The following EXOC4 variants were observed in gnomAD, a reference collection of about 807,000 sequenced individuals.
The protein encoded by EXOC4 is SEC8-like 1.
EXOC4 carries 71 observed loss-of-function variants against 107.2 expected under a neutral mutation model. The ratio of observed to expected loss-of-function variants is 0.66; its 90% CI spans 0.55 to 0.81. The LOEUF (loss-of-function observed/expected upper bound fraction) is 0.81. EXOC4 is among the 30% of genes least tolerant of loss of function. EXOC4 has a pLI of 0.00. For synonymous variants in EXOC4, 456 were observed against 441.2 expected, an observed-to-expected ratio of 1.03 and a Z score of -0.42; for missense variants, 1,108 against 1,189.6, an observed-to-expected ratio of 0.93 and a Z score of 1.01.
At chr7:133,434,615 A>G (rs1322272342) in intron 7 of EXOC4, among the ~76,000 whole-genome samples, 1 of 152,168 alleles carries the variant, frequency 6.6e-6, no homozygotes, top group Non-Finnish European at 1.5e-5. Flanking sequence ...ACTGTTGGCA[A>G]CATTTATTAA....
chr7:133,846,069 G>A (rs150866963), intron 11 of EXOC4, among the ~76,000 whole-genome samples: 1 of 151,982 alleles, frequency 6.6e-6, no homozygotes, highest in African/African-American at 2.4e-5. Flanking sequence ...AAAGTTAAAC[G>A]TCACACTTAC....
At chr7:133,973,743 A>G (rs904466946) in intron 14 of EXOC4, among the ~76,000 whole-genome samples, 25 of 152,270 alleles carry the variant, frequency 1.6e-4, no homozygotes, top group Non-Finnish European at 3.1e-4. Flanking sequence ...ATGCATTAAC[A>G]TGGATGATAG....
chr7:133,392,977 A>G (rs578052791), intron 7 of EXOC4, among the ~76,000 whole-genome samples: 37 of 152,256 alleles, frequency 2.4e-4, no homozygotes, highest in African/African-American at 7.7e-4. Flanking sequence ...ACCCTTTTCT[A>G]TAGTAATGCT....
chr7:133,918,637 T>A (rs1389081228), intron 13 of EXOC4, among the ~76,000 whole-genome samples: 1 of 152,250 alleles, frequency 6.6e-6, no homozygotes, highest in African/African-American at 2.4e-5. Context: ...CTTTGTTCAA[T>A]TTAAATTATT....
At chr7:133,302,892 G>T (rs1794671039) in intron 3 of EXOC4, among the ~76,000 whole-genome samples, 1 of 152,124 alleles carries the variant, frequency 6.6e-6, no homozygotes, top group East Asian at 1.9e-4. Flanking sequence ...GAAAAGTGCA[G>T]TAATTTATAC....
At chr7:133,594,769 G>A (rs2150981657) in intron 9 of EXOC4, among the ~76,000 whole-genome samples, 2 of 152,234 alleles carry the variant, frequency 1.3e-5, no homozygotes, top group Middle Eastern at 6.8e-3. Context: ...TGGGATTACA[G>A]GCATGTACCA....
chr7:134,013,746 A>G (rs1794827355), intron 17 of EXOC4, among the ~76,000 whole-genome samples: 1 of 152,226 alleles, frequency 6.6e-6, no homozygotes, highest in Non-Finnish European at 1.5e-5. Context: ...TATCCAATGA[A>G]AATATACAGG....
At chr7:133,917,550 C>G in intron 12 of EXOC4, 33 bp from the exon 13 acceptor site, 1 of 1,606,094 alleles carries the variant, frequency 6.2e-7, no homozygotes, top group East Asian at 2.2e-5. Context: ...AGGCATCATG[C>G]TACAGTGTCT....
At chr7:133,263,928 T>G (rs1793648618) in intron 1 of EXOC4, among the ~76,000 whole-genome samples, 1 of 152,180 alleles carries the variant, frequency 6.6e-6, no homozygotes, top group Non-Finnish European at 1.5e-5. Flanking sequence ...GAAATCTGCT[T>G]CAATTTGTAT....
chr7:134,051,659 G>T (rs575678772), intron 17 of EXOC4, among the ~76,000 whole-genome samples: 2 of 122,236 alleles, frequency 1.6e-5, no homozygotes, highest in East Asian at 5.0e-4. Context: ...GAGACAGAGC[G>T]AGACTCCGTC....
chr7:133,646,894 G>A (rs1031947106), intron 10 of EXOC4, among the ~76,000 whole-genome samples: 4 of 152,248 alleles, frequency 2.6e-5, no homozygotes, highest in South Asian at 2.1e-4. Flanking sequence ...AAGACAGCTC[G>A]AAGCCTTTCC....
intron 12 of EXOC4, among the ~76,000 whole-genome samples, chr7:133,897,732 A>T (rs1173098629): frequency 8.8e-6 from 1 of 113,198 alleles, no homozygotes; most frequent in Non-Finnish European, 1.7e-5. Context: ...ATTGACAAAT[A>T]ATAATTATAT....
At chr7:134,093,975 G>A in the EXOC4 span, among the ~76,000 whole-genome samples, 1 of 152,096 alleles carries the variant, frequency 6.6e-6, no homozygotes, top group Non-Finnish European at 1.5e-5. Context: ...AAGTTATAAA[G>A]ATCTCAAATT....
chr7:133,860,878 T>C (rs1798519903), intron 11 of EXOC4, among the ~76,000 whole-genome samples: 1 of 152,128 alleles, frequency 6.6e-6, no homozygotes, highest in African/African-American at 2.4e-5. Context: ...TTTATTTCTC[T>C]ATGTATGACT....
intron 7 of EXOC4, among the ~76,000 whole-genome samples, chr7:133,388,437 G>T (rs1050619832): frequency 1.3e-5 from 2 of 152,058 alleles, no homozygotes; most frequent in Non-Finnish European, 2.9e-5. Context: ...ATCACTTGAG[G>T]TCAGGAGTTC....
intron 13 of EXOC4, among the ~76,000 whole-genome samples, chr7:133,924,915 T>A (rs1800017547): frequency 6.6e-6 from 1 of 152,232 alleles, no homozygotes; most frequent in African/African-American, 2.4e-5. Flanking sequence ...AACTTTTAGG[T>A]CTATTTGGTA....
intron 10 of EXOC4, among the ~76,000 whole-genome samples, chr7:133,736,183 C>A (rs1429445352): frequency 6.6e-6 from 1 of 152,206 alleles, no homozygotes; most frequent in Non-Finnish European, 1.5e-5. Context: ...AAGAAACCTT[C>A]CCCTTACCTG....
intron 9 of EXOC4, among the ~76,000 whole-genome samples, chr7:133,501,424 C>T (rs1459458395): frequency 3.3e-5 from 5 of 152,166 alleles, no homozygotes; most frequent in Admixed American, 3.3e-4. Flanking sequence ...AATCAAAGGG[C>T]TGCTGGTGTA....
chr7:133,651,233 G>A (rs1358342240), intron 10 of EXOC4, among the ~76,000 whole-genome samples: 2 of 151,960 alleles, frequency 1.3e-5, no homozygotes, highest in Non-Finnish European at 2.9e-5. Context: ...TAGGGTCTAG[G>A]TCAAGGAAGA....
Sources: gnomAD v4.1 joint callset for allele counts (sites outside exome capture counted in the v4.1 genomes callset) on GRCh38, gnomAD v4.1.1 for gene constraint, MANE v1.5 for transcripts, NCBI Gene and HGNC (gene_info 2026-07-23, HGNC 2026-07-21) for gene names.